Variants in SORBS2 observed in about 807,000 individuals in gnomAD.
The protein encoded by SORBS2 is sorbin and SH3 domain containing 2.
SORBS2 carries 46 observed loss-of-function variants against 97.7 expected under a neutral mutation model. The observed-to-expected ratio is 0.47, with a 90% confidence interval of 0.37 to 0.60. SORBS2 has a LOEUF of 0.60. Among genes scored for constraint, SORBS2 ranks in the 20% least tolerant of loss-of-function variants. SORBS2 has a pLI of 0.00. For synonymous variants in SORBS2, 476 were observed against 473.4 expected, an observed-to-expected ratio of 1.01 and a Z score of -0.07; for missense variants, 1,316 against 1,282.3, an observed-to-expected ratio of 1.03 and a Z score of -0.40.
At chr4:185,785,795 A>C (rs2099053596) in intron 1 of SORBS2, among the ~76,000 whole-genome samples, 1 of 152,220 alleles carries the variant, frequency 6.6e-6, no homozygotes, top group South Asian at 2.1e-4. Context: ...TGGAGAATCA[A>C]GAGTTCTGAG....
chr4:185,620,138 A>G, exon 8 of SORBS2: 5 of 1,609,148 alleles, frequency 3.1e-6, no homozygotes, highest in Non-Finnish European at 4.3e-6. Flanking sequence ...AGTAACTTCT[A>G]GGGGACTCAC....
At chr4:185,773,861 T>C (rs185427823) in intron 2 of SORBS2, 43 of 152,094 alleles carry the variant, frequency 2.8e-4, no homozygotes, top group African/African-American at 9.2e-4. Flanking sequence ...ATTTTGCCCA[T>C]TTTAGGAAAT....
intron 1 of SORBS2, among the ~76,000 whole-genome samples, chr4:185,828,747 A>G (rs71624724): frequency 1.3e-4 from 20 of 152,022 alleles, no homozygotes; most frequent in Non-Finnish European, 2.1e-4. Flanking sequence ...TTGCCCCTCT[A>G]CTGCCATTCC....
intron 1 of SORBS2, among the ~76,000 whole-genome samples, chr4:185,882,677 A>C (rs2099237467): frequency 6.6e-6 from 1 of 152,206 alleles, no homozygotes; most frequent in African/African-American, 2.4e-5. Context: ...ACACTACATA[A>C]TTTTGAGACT....
chr4:185,868,291 G>C (rs1299374998), intron 1 of SORBS2, among the ~76,000 whole-genome samples: 1 of 150,962 alleles, frequency 6.6e-6, no homozygotes, highest in Admixed American at 6.6e-5. Context: ...CGAGTAGCTG[G>C]GATTACAGGC....
intron 2 of SORBS2, among the ~76,000 whole-genome samples, chr4:185,685,633 G>A (rs2097942894): frequency 1.3e-5 from 2 of 152,128 alleles, no homozygotes; most frequent in Non-Finnish European, 1.5e-5. Context: ...CTGCGCTCAA[G>A]CAATCCTCCT....
Position 185,623,362 on chromosome 4 carries a change from G to C in SORBS2, c.1767C>G (p.Pro589=). 1 of 1,613,610 alleles carries C rather than the reference G, an allele frequency of 6.2e-7. No homozygotes were observed. The highest frequency in any genetic ancestry group is 1.3e-5 in the African/African-American group (1 of 75,024). Residue 589 remains proline, a synonymous_variant, in exon 7 of 15, where the codon CCC becomes CCG. Coordinates refer to ENST00000418609, the Ensembl canonical transcript of SORBS2. The surrounding 1 kb of genome is among the most constrained non-coding windows in gnomAD (Gnocchi z 6.4). ...GGCCAGGGTCCATTTCTTGCCTTCTGGGCTCCTCGGTGTTTTCGTGTCTGG... is the reference window on the plus strand; with the variant it reads ...GGCCAGGGTCCATTTCTTGCCTTCTCGGCTCCTCGGTGTTTTCGTGTCTGG...
chr4:185,881,663 C>T (rs887201381), intron 1 of SORBS2, among the ~76,000 whole-genome samples: 3 of 151,966 alleles, frequency 2.0e-5, no homozygotes, highest in Non-Finnish European at 4.4e-5. Flanking sequence ...AGCAAAAATG[C>T]CAGGAATGGA....
chr4:185,730,002 G>C (rs2098602363), intron 2 of SORBS2, among the ~76,000 whole-genome samples: 4 of 151,892 alleles, frequency 2.6e-5, no homozygotes, highest in African/African-American at 9.7e-5. Flanking sequence ...GCCCAGACTG[G>C]AGTGCAGTAG....
chr4:185,692,809 T>C (rs200121728), intron 2 of SORBS2, among the ~76,000 whole-genome samples: 8 of 151,324 alleles, frequency 5.3e-5, no homozygotes, highest in Non-Finnish European at 8.8e-5. Flanking sequence ...TGTGCACACA[T>C]ACACACACAC....
intron 8 of SORBS2, 122 bp downstream of exon 20, chr4:185,619,941 A>G (rs1356358890): frequency 1.4e-5 from 10 of 731,240 alleles, no homozygotes; most frequent in Non-Finnish European, 2.5e-5. Context: ...AATTGTTTCT[A>G]GTTTCTCAGT....
At chr4:185,889,983 T>C (rs2099241645) in intron 1 of SORBS2, among the ~76,000 whole-genome samples, 1 of 152,126 alleles carries the variant, frequency 6.6e-6, no homozygotes, top group Admixed American at 6.5e-5. Context: ...GCCTCCCAAG[T>C]TCAAGCAATT....
At chr4:185,866,000 C>T (rs1403783550) in intron 1 of SORBS2, among the ~76,000 whole-genome samples, 3 of 152,132 alleles carry the variant, frequency 2.0e-5, no homozygotes, top group African/African-American at 4.8e-5. Context: ...TGAACTCTCG[C>T]CCAGGAAATG....
chr4:185,867,893 C>A (rs1339498083), intron 1 of SORBS2, among the ~76,000 whole-genome samples: 1 of 152,094 alleles, frequency 6.6e-6, no homozygotes, highest in Non-Finnish European at 1.5e-5. Flanking sequence ...ACAGCTAACC[C>A]TCAGGGGTCC....
At chr4:185,952,823 A>G (rs2099277830) in intron 1 of SORBS2, among the ~76,000 whole-genome samples, 1 of 152,258 alleles carries the variant, frequency 6.6e-6, no homozygotes, top group Non-Finnish European at 1.5e-5. Flanking sequence ...TTCCCCTTCA[A>G]ACCAATAAAC....
intron 12 of SORBS2, among the ~76,000 whole-genome samples, chr4:185,609,101 C>G (rs2096488557): frequency 6.6e-6 from 1 of 151,962 alleles, no homozygotes; most frequent in Non-Finnish European, 1.5e-5. Context: ...TAGCTGCTGA[C>G]ACACAGTGAG....
chr4:185,923,843 A>G (rs942955878), intron 1 of SORBS2, among the ~76,000 whole-genome samples: 1 of 152,246 alleles, frequency 6.6e-6, no homozygotes, highest in Non-Finnish European at 1.5e-5. Context: ...TATTTAAAAG[A>G]ACTAAAGAAG....
At chr4:185,860,380 C>A (rs1036313299) in intron 1 of SORBS2, among the ~76,000 whole-genome samples, 6 of 152,168 alleles carry the variant, frequency 3.9e-5, no homozygotes, top group Non-Finnish European at 7.3e-5. Flanking sequence ...AAAGAGAGCA[C>A]GTGACAAAGC....
intron 1 of SORBS2, among the ~76,000 whole-genome samples, chr4:185,780,772 T>C (rs941610492): frequency 2.6e-5 from 4 of 152,186 alleles, no homozygotes; most frequent in East Asian, 1.9e-4. Flanking sequence ...TGTCATCACA[T>C]GTGTCATTTT....
Sources: allele counts gnomAD v4.1 joint callset (sites outside exome capture counted in the v4.1 genomes callset), GRCh38; gene constraint gnomAD v4.1.1; non-coding constraint Gnocchi (gnomAD v3.1); transcripts MANE v1.5; gene names NCBI Gene and HGNC (gene_info 2026-07-23, HGNC 2026-07-21).